The following WIF1 variants were observed in gnomAD, a reference collection of about 807,000 sequenced individuals.
WIF1 encodes the protein Wnt inhibitory factor 1.
In WIF1, 35 loss-of-function variants were observed where a neutral mutation model predicts 53.5. The observed-to-expected ratio is 0.65, with a 90% CI of 0.50 to 0.87. The LOEUF is 0.87. WIF1 is among the 40% of genes least tolerant of loss of function. WIF1 has a pLI of 0.00. For missense variants in WIF1, 467 were observed against 476.8 expected, an observed-to-expected ratio of 0.98 and a Z score of 0.19; for synonymous variants, 171 against 170.4, an observed-to-expected ratio of 1.00 and a Z score of -0.03.
At chr12:65,101,610 G>A (rs533666236) in intron 2 of WIF1, among the ~76,000 whole-genome samples, 28 of 152,266 alleles carry the variant, frequency 1.8e-4, no homozygotes, top group Middle Eastern at 3.4e-3. Flanking sequence ...TGTATTGTCC[G>A]TGCTATTTTT....
chr12:65,098,730 A>C (rs1470886051), intron 2 of WIF1, among the ~76,000 whole-genome samples: 1 of 152,034 alleles, frequency 6.6e-6, no homozygotes, highest in Non-Finnish European at 1.5e-5. Context: ...CTAGAGAAAA[A>C]CTGTAGGCAA....
chr12:65,097,945 G>A (rs1429887342), intron 2 of WIF1, among the ~76,000 whole-genome samples: 1 of 152,166 alleles, frequency 6.6e-6, no homozygotes, highest in Non-Finnish European at 1.5e-5. Context: ...AAGAAGTGAG[G>A]AAGAGAGGAA....
chr12:65,111,139 C>T (rs1363691338), intron 2 of WIF1, among the ~76,000 whole-genome samples: 1 of 152,200 alleles, frequency 6.6e-6, no homozygotes, highest in East Asian at 1.9e-4. Flanking sequence ...AAATGAGGCA[C>T]TCCTTGTTCC....
chr12:65,066,702 A>C lies in WIF1; in HGVS notation c.669T>G (p.Leu223=). ...LCTPRCMNGG[L]CVTPGFCICP... is the part of the protein sequence containing the mutation. The stretch of plus-strand genomic sequence containing the variant: ...AGATGCAGAAACCAGGAGTCACACA[A>C]AGTCCACCATTCATACATCGTGGGG... The change falls in exon 6 of 10, where the codon CTT becomes CTG. Residue 223 remains leucine, a synonymous_variant. Coordinates refer to ENST00000286574, the MANE Select transcript of WIF1 (RefSeq NM_007191.5). 1 of 1,610,624 alleles carries C rather than the reference A, an allele frequency of 6.2e-7. No homozygotes were observed. Among genetic ancestry groups the C allele is most frequent in the Non-Finnish European group, 8.5e-7 (1 of 1,178,116 alleles).
chr12:65,095,582 A>G (rs934026933), intron 2 of WIF1, among the ~76,000 whole-genome samples: 1 of 152,208 alleles, frequency 6.6e-6, no homozygotes, highest in African/African-American at 2.4e-5. Flanking sequence ...TGCACACAAA[A>G]AAAAGGATGA....
At chr12:65,113,623 A>G (rs1007851925) in intron 2 of WIF1, among the ~76,000 whole-genome samples, 1 of 152,112 alleles carries the variant, frequency 6.6e-6, no homozygotes, top group Non-Finnish European at 1.5e-5. Flanking sequence ...TTCTGGCAAA[A>G]GTTTGAGAAA....
chr12:65,063,070 T>A (rs1592388501), intron 6 of WIF1, among the ~76,000 whole-genome samples: 1 of 152,170 alleles, frequency 6.6e-6, no homozygotes. Flanking sequence ...TTGAGATTGT[T>A]TTTTAAAAAA....
chr12:65,074,795 G>A (rs1592392341), intron 3 of WIF1, among the ~76,000 whole-genome samples: 2 of 105,248 alleles, frequency 1.9e-5, no homozygotes, highest in East Asian at 6.6e-4. Context: ...TCAAGCCTGG[G>A]TAACAGAGGG....
chr12:65,079,595 C>G (rs1409347102), intron 2 of WIF1, among the ~76,000 whole-genome samples: 1 of 145,734 alleles, frequency 6.9e-6, no homozygotes, highest in Non-Finnish European at 1.5e-5. Flanking sequence ...CACTGCACTC[C>G]AGACTGGGTG....
At chr12:65,052,331 C>T in intron 9 of WIF1, among the ~76,000 whole-genome samples, 1 of 152,198 alleles carries the variant, frequency 6.6e-6, no homozygotes, top group East Asian at 1.9e-4. Flanking sequence ...TTTGAATTGT[C>T]AGTATGTAGT....
chr12:65,055,928 G>T, intron 8 of WIF1, 103 bp downstream of exon 8: 2 of 989,898 alleles, frequency 2.0e-6, no homozygotes, highest in African/African-American at 1.6e-5. Flanking sequence ...GGTTAACTGT[G>T]ATGCCCAGGC....
At chr12:65,055,273 A>G (rs1882506130) in intron 8 of WIF1, 60 bp from the exon 9 acceptor site, 1 of 1,558,118 alleles carries the variant, frequency 6.4e-7, no homozygotes, top group Non-Finnish European at 8.7e-7. Context: ...ACAGAATTAC[A>G]TAGTTGCTTT....
At chr12:65,118,776 T>G (rs1416135999) in intron 2 of WIF1, among the ~76,000 whole-genome samples, 1 of 152,130 alleles carries the variant, frequency 6.6e-6, no homozygotes, top group Non-Finnish European at 1.5e-5. Flanking sequence ...AGCAATAGGA[T>G]AAAAGCAACA....
At chr12:65,081,703 C>T (rs1339982007) in intron 2 of WIF1, among the ~76,000 whole-genome samples, 1 of 152,030 alleles carries the variant, frequency 6.6e-6, no homozygotes, top group Non-Finnish European at 1.5e-5. Context: ...CAGAGTAAAT[C>T]GTTTTCTTTC....
intron 7 of WIF1, among the ~76,000 whole-genome samples, chr12:65,061,897 A>G (rs1447197749): frequency 1.3e-5 from 2 of 152,224 alleles, no homozygotes; most frequent in Non-Finnish European, 2.9e-5. Context: ...AAAAGATGGG[A>G]TCATGCAGTA....
chr12:65,068,752 A>G lies in WIF1; in HGVS notation c.538+12T>C, dbSNP rs764494459. On this transcript the variant is annotated intron_variant, in intron 4 of 9. Coordinates refer to ENST00000286574, the MANE Select transcript of WIF1 (RefSeq NM_007191.5). ...ACAACATGTCTTCTCTTGAATCACC[A>G]TCGGTGCTTACCTTGTTGACATGTT... 8.7e-6 allele frequency: 14 copies of G among 1,612,184 alleles called. No individual in the cohort carries two copies. The highest frequency in any genetic ancestry group is 3.3e-5 in the Admixed American group (2 of 59,786).
At position 65,069,340 on chromosome 12, in the gene WIF1, A is replaced by G. The variant is rs78255273; in HGVS notation, c.398-436T>C. Among the ~76,000 whole-genome samples, 1,153 of 152,288 alleles carry G rather than the reference A, an allele frequency of 7.6e-3. 6 individuals carry two copies. The highest frequency in any genetic ancestry group is 0.024 in the Middle Eastern group (7 of 294). On this transcript the variant is annotated intron_variant, in intron 3 of 9. Transcript: ENST00000286574. ...CTTTGTGGCATCTTCATCAGCCTCC[A>G]TATAATCCAAAAAGGGCTAGAAATC...
At chr12:65,083,819 C>CCTTTCCTTTCCTA (rs1882989731) in intron 2 of WIF1, 1 of 196,426 alleles carries the variant, frequency 5.1e-6, no homozygotes, top group African/African-American at 1.1e-4. Flanking sequence ...TTCCTTTCCT[C>CCTTTCCTTTCCTA]TCCTCTTTTC....
chr12:65,073,299 C>T (rs1004452139), intron 3 of WIF1, among the ~76,000 whole-genome samples: 1 of 152,162 alleles, frequency 6.6e-6, no homozygotes, highest in Non-Finnish European at 1.5e-5. Context: ...GAACTGAGGT[C>T]ACCTATAAGA....
Sources: gnomAD v4.1 joint callset for allele counts (sites outside exome capture counted in the v4.1 genomes callset) on GRCh38, gnomAD v4.1.1 for gene constraint, MANE v1.5 for transcripts, NCBI Gene and HGNC (gene_info 2026-07-23, HGNC 2026-07-21) for gene names.